Variants in LPIN1 observed in about 807,000 individuals in gnomAD.
LPIN1 encodes the protein lipin 1, also known as phosphatidate phosphatase LPIN1.
LPIN1 carries 71 observed loss-of-function variants against 107.5 expected under a neutral mutation model. That is an observed-to-expected ratio of 0.66 (90% CI 0.55 to 0.80). LPIN1 has a LOEUF of 0.80. Among genes scored for constraint, LPIN1 ranks in the 30% least tolerant of loss-of-function variants. LPIN1 has a pLI of 0.00. For missense variants in LPIN1, 1,043 were observed against 1,160.6 expected (o/e 0.90, Z 1.47); for synonymous variants, 445 against 452.6 (o/e 0.98, Z 0.21).
chr2:11,730,801 A>G (rs1665113511), intron 1 of LPIN1, among the ~76,000 whole-genome samples: 1 of 152,150 alleles, frequency 6.6e-6, no homozygotes, highest in African/African-American at 2.4e-5. Flanking sequence ...TTTAGGGTGC[A>G]GTTTGGTTTG....
chr2:11,744,339 T>C (rs564433228), upstream of LPIN1, among the ~76,000 whole-genome samples: 4 of 152,324 alleles, frequency 2.6e-5, no homozygotes, highest in African/African-American at 9.6e-5. Context: ...CAGTGCCTGA[T>C]CAAAAGCGCC....
intron 1 of LPIN1, among the ~76,000 whole-genome samples, chr2:11,705,926 G>A (rs916453892): frequency 7.9e-5 from 12 of 152,180 alleles, no homozygotes; most frequent in African/African-American, 1.9e-4. Context: ...GAGGAACCCA[G>A]TGGGAGGTAA....
chr2:11,823,638 C>A (rs921889523), intron 20 of LPIN1, among the ~76,000 whole-genome samples: 1 of 152,150 alleles, frequency 6.6e-6, no homozygotes, highest in Non-Finnish European at 1.5e-5. Flanking sequence ...TGATCAGTGA[C>A]TGTCAAGGAG....
chr2:11,705,149 G>T (rs1267659121), intron 1 of LPIN1, among the ~76,000 whole-genome samples: 2 of 152,154 alleles, frequency 1.3e-5, no homozygotes, highest in Middle Eastern at 3.2e-3. Flanking sequence ...ATAAATAGTA[G>T]CCTGAAATGC....
At chr2:11,688,124 C>T (rs1449477060) in intron 1 of LPIN1, among the ~76,000 whole-genome samples, 6 of 152,158 alleles carry the variant, frequency 3.9e-5, no homozygotes, top group East Asian at 1.9e-4. Flanking sequence ...CTCTCCGACG[C>T]GGAATTCTTG....
intron 1 of LPIN1, among the ~76,000 whole-genome samples, chr2:11,708,950 G>T (rs1663267848): frequency 6.6e-6 from 1 of 152,108 alleles, no homozygotes; most frequent in South Asian, 2.1e-4. Context: ...TGTTATTATT[G>T]TTCCCCTTTT....
At position 11,749,268 on chromosome 2, in the gene LPIN1, GGAGA is replaced by G. The variant is rs762487734; in HGVS notation, c.-10+2605_-10+2608del. Among the ~76,000 whole-genome samples the G allele has an allele frequency of 4.6e-5, 7 of 152,096 alleles. No homozygotes were observed. In the East Asian group the frequency reaches 9.7e-4, roughly 21 times the overall value. On this transcript the variant is annotated intron_variant, in intron 1 of 20. Coordinates refer to ENST00000674199, the MANE Select transcript of LPIN1 (RefSeq NM_001349206.2). ...CTTTCTGAGCTGTGAGGGAGGGTCT[GGAGA>G]GAGAGAGGGGCCCATGCCTGTGTGT...
chr2:11,784,801 C>T (rs1674215282), intron 9 of LPIN1, 85 bp from the exon 10 acceptor site: 2 of 1,296,790 alleles, frequency 1.5e-6, no homozygotes, highest in East Asian at 2.3e-5. Flanking sequence ...AGGGTGGCCG[C>T]GTGCCAGAGC....
rs553327573 is a variant in LPIN1 at position 11,806,680 on chromosome 2, A to G, written c.2249+1524A>G. Among the ~76,000 whole-genome samples, 3 of 152,318 alleles carry G rather than the reference A, an allele frequency of 2.0e-5. No individual in the cohort carries two copies. In the East Asian group the frequency reaches 5.8e-4, roughly 29 times the overall value. ...ATTTCATCTTTAAAAAATTATTAAT[A>G]CAAAAGTTATGCATACTTCTTAAGA... On this transcript the variant is annotated intron_variant, in intron 17 of 20. Coordinates refer to ENST00000674199, the MANE Select transcript of LPIN1 (RefSeq NM_001349206.2).
At chr2:11,802,000 G>A (rs1677833618) in intron 14 of LPIN1, among the ~76,000 whole-genome samples, 1 of 152,142 alleles carries the variant, frequency 6.6e-6, no homozygotes, top group Non-Finnish European at 1.5e-5. Flanking sequence ...AGAGGAAGGT[G>A]CTGAGCCAGA....
intron 5 of LPIN1, 96 bp from the exon 6 acceptor site, chr2:11,775,986 TTATA>T (rs1672617265): frequency 3.0e-6 from 1 of 332,844 alleles, no homozygotes; most frequent in Non-Finnish European, 5.5e-6. Flanking sequence ...TATATAATCT[TTATA>T]TAAAGTATAT....
chr2:11,769,434 T>C (rs1447291628), intron 3 of LPIN1, among the ~76,000 whole-genome samples: 1 of 152,208 alleles, frequency 6.6e-6, no homozygotes, highest in East Asian at 1.9e-4. Flanking sequence ...TTTTTCTTTT[T>C]TACTGCTGCC....
chr2:11,785,201 A>G, intron 10 of LPIN1, 125 bp downstream of exon 10: 1 of 711,220 alleles, frequency 1.4e-6, no homozygotes, highest in Non-Finnish European at 2.3e-6. Context: ...GATAGCACAG[A>G]TGATAGCACC....
intron 12 of LPIN1, among the ~76,000 whole-genome samples, chr2:11,789,431 C>CGTGTGT (rs1007456911): frequency 6.6e-6 from 1 of 151,180 alleles, no homozygotes. Context: ...TATGTGTGTG[C>CGTGTGT]GTGTGTGTAT....
At position 11,803,024 on chromosome 2, in the gene LPIN1, C is replaced by T. The variant is rs772832964; in HGVS notation, c.2004C>T (p.Ser668=). 3.4e-5 allele frequency: 55 copies of T among 1,612,360 alleles called. No homozygotes were observed. The highest frequency in any genetic ancestry group is 4.2e-5 in the Non-Finnish European group (50 of 1,180,046). ...ACAAGAAGACTCTCCGGCTGACTTC[C>T]GAGCAGCTTGTGAGTCTCCCATGCT... ...VSYKKTLRLT[S]EQLKSLKLKN... Residue 668 remains serine (S), a synonymous_variant, in exon 15 of 21, where the codon TCC becomes TCT. Coordinates refer to ENST00000674199, the MANE Select transcript of LPIN1 (RefSeq NM_001349206.2). This position sits in a 1 kb window ranked among gnomAD's most constrained non-coding sequence, Gnocchi z 4.2.
At chr2:11,739,059 CAG>C (rs1666078361) in intron 1 of LPIN1, among the ~76,000 whole-genome samples, 1 of 152,214 alleles carries the variant, frequency 6.6e-6, no homozygotes, top group Admixed American at 6.5e-5. Context: ...TTCTAAAGGA[CAG>C]AATGTGGTGA....
chr2:11,823,626 A>G (rs755709701), intron 20 of LPIN1, among the ~76,000 whole-genome samples: 45 of 152,194 alleles, frequency 3.0e-4, no homozygotes, highest in Non-Finnish European at 5.1e-4. Flanking sequence ...GGAACTAGAC[A>G]GTGATCAGTG....
At chr2:11,762,570 A>G (rs1670017118) in intron 1 of LPIN1, among the ~76,000 whole-genome samples, 1 of 152,108 alleles carries the variant, frequency 6.6e-6, no homozygotes, top group South Asian at 2.1e-4. Flanking sequence ...AGGGCTTATC[A>G]TGAATGACAG....
At chr2:11,802,676 T>C (rs961917227) in intron 14 of LPIN1, among the ~76,000 whole-genome samples, 11 of 152,174 alleles carry the variant, frequency 7.2e-5, no homozygotes, top group Admixed American at 2.0e-4. Flanking sequence ...AGCTCATCAA[T>C]AGGCAAGTGA....
Sources: gnomAD v4.1 joint callset for allele counts (sites outside exome capture counted in the v4.1 genomes callset) on GRCh38, gnomAD v4.1.1 for gene constraint, Gnocchi (gnomAD v3.1) non-coding constraint, MANE v1.5 for transcripts, NCBI Gene and HGNC (gene_info 2026-07-23, HGNC 2026-07-21) for gene names.